Variants in CDK11B observed in about 807,000 individuals in gnomAD.
CDK11B encodes the protein cyclin dependent kinase 11B, also known as cyclin-dependent kinase 11B.
A neutral mutation model predicts 84.0 loss-of-function variants in CDK11B; 37 were observed. The ratio of observed to expected loss-of-function variants is 0.44; its 90% CI spans 0.34 to 0.58. The LOEUF (loss-of-function observed/expected upper bound fraction) is 0.58, where lower values mean the gene tolerates loss of function less well. CDK11B is among the 20% of genes least tolerant of loss of function. The pLI is 0.02. For missense variants in CDK11B, 427 were observed against 834.0 expected (o/e 0.51, Z 6.01); for synonymous variants, 269 against 309.8 (o/e 0.87, Z 1.38).
At chr1:1,651,217 T>C (rs1199563950) in intron 4 of CDK11B, among the ~76,000 whole-genome samples, 1 of 152,238 alleles carries the variant, frequency 6.6e-6, no homozygotes, top group Non-Finnish European at 1.5e-5. Context: ...GGGTGTGTTT[T>C]TCTCCTATAC....
intron 2 of CDK11B, 36 bp from the exon 3 acceptor site, chr1:1,655,520 T>G: frequency 6.5e-7 from 1 of 1,542,754 alleles, no homozygotes; most frequent in Non-Finnish European, 8.7e-7. Context: ...ATTTTCTTTA[T>G]AAGTTTTTTT....
intron 4 of CDK11B, among the ~76,000 whole-genome samples, chr1:1,650,268 C>CAAAAAAAAAAAA (rs1212256890): frequency 0.024 from 1,076 of 45,578 alleles, 66 homozygotes; most frequent in East Asian, 0.11. Context: ...GACTCCGTCC[C>CAAAAAAAAAAAA]AAAAAAAAAA....
intron 10 of CDK11B, among the ~76,000 whole-genome samples, chr1:1,640,813 T>C (rs1461739995): frequency 2.6e-5 from 4 of 152,226 alleles, no homozygotes; most frequent in African/African-American, 9.6e-5. Flanking sequence ...TGTGGGGAAC[T>C]GGTCCTGGGC....
chr1:1,637,024 G>A lies in CDK11B; in HGVS notation c.1693-20C>T. ...ACCCACCTGCAACGACAGATGGGCG[G>A]CTGTGAGTGGGCCCCGGCAGGTCTC... On this transcript the variant is annotated intron_variant, in intron 15 of 19. Transcript: ENST00000341832. 2 of 1,613,040 alleles carry A rather than the reference G, an allele frequency of 1.2e-6. No homozygotes were observed. The highest frequency in any genetic ancestry group is 1.1e-5 in the South Asian group (1 of 91,044).
At chr1:1,652,021 T>C (rs1262773814) in intron 4 of CDK11B, among the ~76,000 whole-genome samples, 3 of 152,038 alleles carry the variant, frequency 2.0e-5, no homozygotes, top group African/African-American at 2.4e-5. Context: ...TAGAGTTTGC[T>C]CTCTCTGGTT....
Position 1,640,833 on chromosome 1 carries a change from C to G in CDK11B, c.1075+215G>C, listed in dbSNP as rs1570071340. ...GGAACTGGTCCTGGGCTTCCCAGCT[C>G]CTCGGCCCTGCTGGGCACTCAGGAC... On this transcript the variant is annotated intron_variant, in intron 10 of 19. Transcript: ENST00000341832. 9.2e-5 allele frequency among the ~76,000 whole-genome samples: 14 copies of G among 151,848 alleles called. 2 individuals carry two copies. Among genetic ancestry groups the G allele is most frequent in the Admixed American group, 1.3e-4 (2 of 15,266 alleles).
At position 1,637,390 on chromosome 1, in the gene CDK11B, C is replaced by G. The variant is rs761539305; in HGVS notation, c.1570+18G>C. On this transcript the variant is annotated intron_variant, in intron 14 of 19. Coordinates refer to ENST00000341832, the MANE Select transcript of CDK11B (RefSeq NM_033486.3). The stretch of plus-strand genomic sequence containing the variant: ...GCCCCCACTTGTACGCAGACAGGCC[C>G]CTGGGGCGCGGCTGTACCTGGCAGG... 12 of 1,611,002 alleles carry G rather than the reference C, an allele frequency of 7.4e-6. 1 individual carries two copies. The highest frequency in any genetic ancestry group is 3.3e-4 in the Middle Eastern group (2 of 6,058).
intron 2 of CDK11B, 54 bp from the exon 3 acceptor site, chr1:1,655,538 T>C: frequency 2.0e-6 from 3 of 1,499,376 alleles, no homozygotes; most frequent in African/African-American, 1.4e-5. Flanking sequence ...TTTTTCTTCA[T>C]AGATAAAAGT....
At position 1,637,066 on chromosome 1, in the gene CDK11B, C is replaced by A; in HGVS notation, c.1692+15G>T. On this transcript the variant is annotated intron_variant, in intron 15 of 19. Transcript: ENST00000341832. ...GCAGGTCTCCCTGGGATGGGCCACT[C>A]GGAGGGGGGCTCACCTTGAGGATGC... 3 of 1,613,484 alleles carry A rather than the reference C, an allele frequency of 1.9e-6. No individual in the cohort carries two copies. Among genetic ancestry groups the A allele is most frequent in the Non-Finnish European group, 2.5e-6 (3 of 1,179,824 alleles).
At chr1:1,644,981 A>C (rs1640822510) in intron 6 of CDK11B, 145 bp downstream of exon 6, 3 of 685,646 alleles carry the variant, frequency 4.4e-6, no homozygotes, top group Non-Finnish European at 7.2e-6. Context: ...GGACAAGAGC[A>C]AAACTCTGCC....
intron 2 of CDK11B, 69 bp from the exon 3 acceptor site, chr1:1,655,553 T>C: frequency 1.4e-6 from 2 of 1,478,500 alleles, no homozygotes; most frequent in Non-Finnish European, 1.8e-6. Flanking sequence ...AAAAGTATTT[T>C]TAATGATAAT....
chr1:1,656,492 A>T (rs535184032), intron 2 of CDK11B, among the ~76,000 whole-genome samples: 1 of 152,114 alleles, frequency 6.6e-6, no homozygotes, highest in Non-Finnish European at 1.5e-5. Context: ...CTGTCTCAAA[A>T]ACAAACAAAA....
chr1:1,637,345 G>C (rs950457602), intron 14 of CDK11B, 63 bp downstream of exon 14: 21 of 1,583,540 alleles, frequency 1.3e-5, no homozygotes, highest in African/African-American at 2.7e-5. Flanking sequence ...CACTGTCACC[G>C]CGGGGGTGAC....
At position 1,640,812 on chromosome 1, in the gene CDK11B, C is replaced by A. The variant is rs1449716931; in HGVS notation, c.1075+236G>T. ...TCTGACGGGCCTCCCCTGTGGGGAACTGGTCCTGGGCTTCCCAGCTCCTCG... is the reference window on the plus strand; with the variant it reads ...TCTGACGGGCCTCCCCTGTGGGGAAATGGTCCTGGGCTTCCCAGCTCCTCG... On this transcript the variant is annotated intron_variant, in intron 10 of 19. Transcript: ENST00000341832. Among the ~76,000 whole-genome samples, 3 of 152,270 alleles carry A rather than the reference C, an allele frequency of 2.0e-5. No homozygotes were observed. The East Asian group carries it at 5.8e-4, about 29-fold the overall frequency.
chr1:1,657,123 A>T, intron 2 of CDK11B: 1 of 1,165,192 alleles, frequency 8.6e-7, no homozygotes, highest in Non-Finnish European at 1.2e-6. Flanking sequence ...TTTGCTAATG[A>T]CTTAACATTC....
chr1:1,650,064 A>AGG (rs1641734833), intron 4 of CDK11B, among the ~76,000 whole-genome samples: 1 of 149,846 alleles, frequency 6.7e-6, no homozygotes, highest in Non-Finnish European at 1.5e-5. Context: ...ACAAGGTCAG[A>AGG]TCGGGACCAT....
intron 11 of CDK11B, among the ~76,000 whole-genome samples, chr1:1,639,702 C>T (rs1478954314): frequency 1.3e-5 from 2 of 151,962 alleles, no homozygotes; most frequent in African/African-American, 4.8e-5. Flanking sequence ...AGAACCTCTC[C>T]GCCCACAGGC....
intron 5 of CDK11B, chr1:1,645,774 CG>C: frequency 3.0e-6 from 1 of 337,546 alleles, no homozygotes. Context: ...TGCATTCACA[CG>C]TATCATTGCT....
Position 1,640,403 on chromosome 1 carries a change from C to T in CDK11B, c.1125G>A (p.Glu375=), listed in dbSNP as rs1344336261. The T allele has an allele frequency of 1.4e-5, 23 of 1,613,680 alleles. No individual in the cohort carries two copies. Among genetic ancestry groups the T allele is most frequent in the Non-Finnish European group, 1.9e-5 (22 of 1,179,626 alleles). The change falls in exon 11 of 20, where the codon GAG becomes GAA. Residue 375 remains glutamate (E), a synonymous_variant. Coordinates refer to ENST00000341832, the MANE Select transcript of CDK11B (RefSeq NM_033486.3). ...GCGGCGTTCCCTCACCCACTTCTTCCTCTGCTTCTTCACTCTCCCCGGAAT... is the reference window on the plus strand; with the variant it reads ...GCGGCGTTCCCTCACCCACTTCTTCTTCTGCTTCTTCACTCTCCCCGGAAT... ...DRDSGESEEA[E]EEVGEGTPQS...
Sources: gnomAD v4.1 joint callset for allele counts (sites outside exome capture counted in the v4.1 genomes callset) on GRCh38, gnomAD v4.1.1 for gene constraint, MANE v1.5 for transcripts, NCBI Gene and HGNC (gene_info 2026-07-23, HGNC 2026-07-21) for gene names.